The following SGK3 variants were observed in gnomAD, a reference collection of about 807,000 sequenced individuals.
The protein encoded by SGK3 is serine/threonine-protein kinase Sgk3.
In SGK3, 47 loss-of-function variants were observed where a neutral mutation model predicts 68.5. That is an observed-to-expected ratio of 0.69 (90% confidence interval 0.54 to 0.87). The LOEUF is 0.87. SGK3 is among the 40% of genes least tolerant of loss of function. SGK3 has a pLI of 0.00. For synonymous variants in SGK3, 181 were observed against 189.1 expected, an observed-to-expected ratio of 0.96 and a Z score of 0.35; for missense variants, 479 against 575.5, an observed-to-expected ratio of 0.83 and a Z score of 1.72.
chr8:66,767,807 CAGTTCCCAA>C, intron 1 of SGK3: 1 of 1,560,356 alleles, frequency 6.4e-7, no homozygotes, highest in Non-Finnish European at 8.8e-7. Flanking sequence ...GCTCTGTTGA[CAGTTCCCAA>C]AGCCTTTCTG....
Position 66,859,493 on chromosome 8 carries a change from A to G in SGK3, c.1403A>G (p.Tyr468Cys), listed in dbSNP as rs770408301. ...VPYSVCVSSD[Y>C]SIVNASVLEA... ...TATTCTGTGTGTGTATCTTCTGACT[A>G]TTCTATAGTGAATGCCAGTGTATTG... is the stretch of plus-strand genomic sequence containing the variant. Residue 468 changes from tyrosine (Y) to cysteine (C), a missense_variant, in exon 17 of 17, where the codon TAT becomes TGT. Coordinates refer to ENST00000521198, the MANE Select transcript of SGK3 (RefSeq NM_001033578.3). 4.3e-6 allele frequency: 7 copies of G among 1,613,782 alleles called. No homozygotes were observed. The highest frequency in any genetic ancestry group is 2.7e-5 in the African/African-American group (2 of 74,930).
At chr8:66,776,099 C>T (rs1308664050) in intron 1 of SGK3, among the ~76,000 whole-genome samples, 1 of 152,224 alleles carries the variant, frequency 6.6e-6, no homozygotes, top group Non-Finnish European at 1.5e-5. Context: ...TACGTATATT[C>T]TTTCCTCAGA....
intron 1 of SGK3, among the ~76,000 whole-genome samples, chr8:66,776,351 G>C (rs917033022): frequency 9.2e-5 from 14 of 152,192 alleles, no homozygotes; most frequent in African/African-American, 3.1e-4. Context: ...AGGCGGGTTT[G>C]TTTAAAAGCA....
chr8:66,818,810 T>G (rs1808697786), intron 5 of SGK3, among the ~76,000 whole-genome samples: 1 of 152,268 alleles, frequency 6.6e-6, no homozygotes. Flanking sequence ...CATTCTACTG[T>G]TGATGGGCAT....
chr8:66,843,050 G>A (rs571149331), intron 13 of SGK3, among the ~76,000 whole-genome samples: 3 of 152,074 alleles, frequency 2.0e-5, no homozygotes, highest in Non-Finnish European at 4.4e-5. Context: ...CAGCTTGGGC[G>A]ACAGAGAAAG....
chr8:66,813,490 A>C (rs1048675181), intron 4 of SGK3, among the ~76,000 whole-genome samples: 1 of 151,980 alleles, frequency 6.6e-6, no homozygotes, highest in African/African-American at 2.4e-5. Flanking sequence ...TCATAGTGTT[A>C]ATTTTTATTC....
chr8:66,723,816 T>G (rs1804895149), intron 1 of SGK3, among the ~76,000 whole-genome samples: 1 of 152,174 alleles, frequency 6.6e-6, no homozygotes, highest in African/African-American at 2.4e-5. Flanking sequence ...AGTTGACAAT[T>G]TAGTCCATTC....
intron 4 of SGK3, among the ~76,000 whole-genome samples, chr8:66,810,717 A>G (rs1016982353): frequency 6.6e-6 from 1 of 152,216 alleles, no homozygotes; most frequent in Non-Finnish European, 1.5e-5. Context: ...AAATAAATAA[A>G]TAAATAAAAT....
At position 66,840,975 on chromosome 8, in the gene SGK3, CA is replaced by C. The variant is rs766246351; in HGVS notation, c.892-47del. The C allele has an allele frequency of 6.8e-6, 9 of 1,323,478 alleles. No homozygotes were observed. In the Admixed American group the frequency reaches 1.3e-4, roughly 18 times the overall value. 82.0% of individuals were successfully genotyped at this position (1,323,478 alleles called of 1,614,324 possible). On this transcript the variant is annotated intron_variant, in intron 12 of 16. Transcript: ENST00000521198. Reference sequence around the variant, plus strand: ...AAAAAAAAATTAACTGAAAAATTGTCAATTCATATTTATGCATTGTTTTATC... The same window carrying C: ...AAAAAAAAATTAACTGAAAAATTGTCATTCATATTTATGCATTGTTTTATC...
At chr8:66,796,941 GT>G (rs79807368) in intron 2 of SGK3, among the ~76,000 whole-genome samples, 10,203 of 135,714 alleles carry the variant, frequency 0.075, 385 homozygotes, top group African/African-American at 0.12. Context: ...ATCTAATCTT[GT>G]TTTTTTTTTT....
intron 5 of SGK3, among the ~76,000 whole-genome samples, 197 bp from the exon 6 acceptor site, chr8:66,822,175 A>G (rs1054832018): frequency 2.6e-5 from 4 of 151,454 alleles, no homozygotes; most frequent in African/African-American, 9.7e-5. Flanking sequence ...ATGTTTGCCC[A>G]TTTGTCTATT....
At chr8:66,759,876 C>T (rs1380563129) in intron 1 of SGK3, among the ~76,000 whole-genome samples, 3 of 152,002 alleles carry the variant, frequency 2.0e-5, no homozygotes, top group Non-Finnish European at 4.4e-5. Context: ...TGAGCCACCA[C>T]GCCCAGCCCC....
At chr8:66,806,395 A>T (rs187878220) in intron 4 of SGK3, among the ~76,000 whole-genome samples, 4 of 152,352 alleles carry the variant, frequency 2.6e-5, no homozygotes, top group Non-Finnish European at 5.9e-5. Flanking sequence ...TAAATATATG[A>T]ACCCATTAAT....
Position 66,744,515 on chromosome 8 carries a change from ATATATTTTTTTTT to A in SGK3, c.-122+31684_-122+31696del, listed in dbSNP as rs1243456223. Among the ~76,000 whole-genome samples, 78 of 22,490 alleles carry A rather than the reference ATATATTTTTTTTT, an allele frequency of 3.5e-3. 2 individuals carry two copies. The highest frequency in any genetic ancestry group is 2.9e-3 in the Admixed American group (4 of 1,374). 14.8% of individuals were successfully genotyped at this position (22,490 alleles called of 152,430 possible). A position where few individuals can be genotyped will look rare whatever the true frequency, so the allele number is the denominator to read the frequency against. The stretch of plus-strand genomic sequence containing the variant: ...TATATATATATATATATATATATAT[ATATATTTTTTTTT>A]TTTTTTTTTTTTTTTTTAGATGGAG... On this transcript the variant is annotated intron_variant, in intron 1 of 16. Transcript: ENST00000521198.
At chr8:66,762,113 C>T (rs1296184302) in intron 1 of SGK3, among the ~76,000 whole-genome samples, 3 of 152,098 alleles carry the variant, frequency 2.0e-5, no homozygotes, top group African/African-American at 7.2e-5. Context: ...CTGCCACAGG[C>T]GCCTGCTACC....
At chr8:66,858,115 G>A (rs1390761754) in intron 16 of SGK3, among the ~76,000 whole-genome samples, 1 of 151,982 alleles carries the variant, frequency 6.6e-6, no homozygotes, top group Non-Finnish European at 1.5e-5. Flanking sequence ...TCATCAGAAG[G>A]CTTTACCCAC....
At chr8:66,720,911 A>C (rs1804777529) in intron 1 of SGK3, among the ~76,000 whole-genome samples, 1 of 152,102 alleles carries the variant, frequency 6.6e-6, no homozygotes, top group South Asian at 2.1e-4. Context: ...ATGTCACTGC[A>C]CTCCAGCTTG....
At chr8:66,725,304 G>C (rs1804951430) in intron 1 of SGK3, among the ~76,000 whole-genome samples, 1 of 152,074 alleles carries the variant, frequency 6.6e-6, no homozygotes, top group African/African-American at 2.4e-5. Context: ...GGGAGGCTGA[G>C]GCAGGGAGAA....
intron 1 of SGK3, among the ~76,000 whole-genome samples, chr8:66,757,884 C>T (rs1208875447): frequency 1.3e-5 from 2 of 148,992 alleles, no homozygotes; most frequent in Non-Finnish European, 3.0e-5. Context: ...CACTGCACTC[C>T]AGCCTGGGAA....
Sources: gnomAD v4.1 joint callset for allele counts (sites outside exome capture counted in the v4.1 genomes callset) on GRCh38, gnomAD v4.1.1 for gene constraint, MANE v1.5 for transcripts, NCBI Gene and HGNC (gene_info 2026-07-23, HGNC 2026-07-21) for gene names.